The following CPEB4 variants were observed in gnomAD, a reference collection of about 807,000 sequenced individuals.
The protein encoded by CPEB4 is cytoplasmic polyadenylation element binding protein 4.
Under a neutral mutation model 72.5 loss-of-function variants are expected in CPEB4, and 12 were observed. The observed-to-expected ratio is 0.17, with a 90% confidence interval of 0.11 to 0.27. The LOEUF (loss-of-function observed/expected upper bound fraction) is 0.27, where lower values mean the gene tolerates loss of function less well. Among genes scored for constraint, CPEB4 ranks in the 10% least tolerant of loss-of-function variants. The pLI, the probability that CPEB4 is intolerant of heterozygous loss-of-function variation, is 1.00. For missense variants in CPEB4, 614 were observed against 908.5 expected (o/e 0.68, Z 4.17); for synonymous variants, 302 against 326.3 (o/e 0.93, Z 0.80).
chr5:173,893,192 A>G (rs1370986336), intron 1 of CPEB4: 4 of 152,170 alleles, frequency 2.6e-5, no homozygotes, highest in Admixed American at 6.5e-5. Flanking sequence ...AAGTAAGTAA[A>G]CTGACCACTG....
At chr5:173,939,901 C>G (rs1035164107) in intron 3 of CPEB4, among the ~76,000 whole-genome samples, 1 of 142,346 alleles carries the variant, frequency 7.0e-6, no homozygotes, top group African/African-American at 2.6e-5. Flanking sequence ...TGCCTGAGCT[C>G]GGGGGTTTGA....
intron 6 of CPEB4, 140 bp downstream of exon 6, chr5:173,949,737 C>A: frequency 1.4e-6 from 1 of 692,158 alleles, no homozygotes. Context: ...AAAATTTCAA[C>A]ATAATATTCT....
chr5:173,892,477 A>T (rs1237330520), intron 1 of CPEB4, among the ~76,000 whole-genome samples: 1 of 152,194 alleles, frequency 6.6e-6, no homozygotes, highest in Non-Finnish European at 1.5e-5. Flanking sequence ...TAATGCAAAG[A>T]TAAGTTTTAT....
intron 2 of CPEB4, among the ~76,000 whole-genome samples, chr5:173,928,927 CTT>C (rs1358056976): frequency 1.3e-5 from 2 of 152,208 alleles, no homozygotes; most frequent in South Asian, 2.1e-4. Flanking sequence ...CTTAATGTCA[CTT>C]ATGTTAAAAT....
chr5:173,903,962 A>T (rs1359553985), intron 1 of CPEB4, among the ~76,000 whole-genome samples: 6 of 152,232 alleles, frequency 3.9e-5, no homozygotes. Flanking sequence ...TGTGAAGTAG[A>T]GATGACAGAA....
In CPEB4 at chr5:173,950,345, C is replaced by T. The variant is rs1457981953; in HGVS notation, c.1665+267C>T. Among the ~76,000 whole-genome samples the T allele has an allele frequency of 6.6e-6, 1 of 152,150 alleles. No homozygotes were observed. Among genetic ancestry groups the T allele is most frequent in the Non-Finnish European group, 1.5e-5 (1 of 68,038 alleles). ...CACGGCTGGGCATGGTGGCTCACAC[C>T]TGTAATCCCAGCACTTTGGGAGGCC... is the stretch of plus-strand genomic sequence containing the variant. On this transcript the variant is annotated intron_variant, in intron 7 of 9. Coordinates refer to ENST00000265085, the MANE Select transcript of CPEB4 (RefSeq NM_030627.4). This position sits in a 1 kb window ranked among gnomAD's most constrained non-coding sequence, Gnocchi z 5.0.
chr5:173,946,537 G>C (rs927130304), intron 5 of CPEB4, among the ~76,000 whole-genome samples: 5 of 152,122 alleles, frequency 3.3e-5, no homozygotes, highest in Non-Finnish European at 5.9e-5. Context: ...TTGCAAGCAT[G>C]GAGAAAATGC....
At chr5:173,953,505 C>T in intron 9 of CPEB4, 1 of 414,676 alleles carries the variant, frequency 2.4e-6, no homozygotes. Flanking sequence ...ATTTAATCTT[C>T]TCTAACTTCC....
intron 2 of CPEB4, among the ~76,000 whole-genome samples, chr5:173,925,235 A>G (rs747766445): frequency 3.3e-5 from 5 of 152,212 alleles, no homozygotes; most frequent in Non-Finnish European, 7.3e-5. Context: ...AGATTTTTGT[A>G]AGTACTGGCT....
intron 1 of CPEB4, among the ~76,000 whole-genome samples, chr5:173,898,468 G>A (rs1212239403): frequency 6.6e-6 from 1 of 152,194 alleles, no homozygotes; most frequent in East Asian, 1.9e-4. Flanking sequence ...GCAAGCTACA[G>A]CACCTTCTGG....
chr5:173,938,661 G>A (rs750873504), intron 3 of CPEB4, among the ~76,000 whole-genome samples: 7 of 152,132 alleles, frequency 4.6e-5, no homozygotes, highest in Non-Finnish European at 8.8e-5. Context: ...GTAGATCAGC[G>A]TAACCCGAAT....
In CPEB4 at chr5:173,956,165, C is replaced by A; in HGVS notation, c.*28C>A. On this transcript the variant is annotated 3_prime_UTR_variant, in exon 10 of 10. Transcript: ENST00000265085. ...GATAACTGCAGTGCTCATTTTCAGG[C>A]CTCAGAATAAGTGCACTCTTCTGTT... 2 of 1,578,880 alleles carry A rather than the reference C, an allele frequency of 1.3e-6. No individual in the cohort carries two copies. Among genetic ancestry groups the A allele is most frequent in the Non-Finnish European group, 1.7e-6 (2 of 1,148,744 alleles).
chr5:173,928,587 G>C (rs1581144052), intron 2 of CPEB4, among the ~76,000 whole-genome samples: 3 of 152,310 alleles, frequency 2.0e-5, no homozygotes, highest in Admixed American at 2.0e-4. Context: ...GGAACATGGA[G>C]TGAGGGCCAC....
chr5:173,925,030 C>A (rs1174884357), intron 2 of CPEB4, among the ~76,000 whole-genome samples: 2 of 152,084 alleles, frequency 1.3e-5, no homozygotes, highest in Non-Finnish European at 1.5e-5. Flanking sequence ...TGAGGCCTAG[C>A]AGGGGAACTG....
chr5:173,909,989 CTG>C (rs1197866152), intron 1 of CPEB4, among the ~76,000 whole-genome samples: 1 of 148,364 alleles, frequency 6.7e-6, no homozygotes, highest in Non-Finnish European at 1.5e-5. Context: ...CAGTGTGAGA[CTG>C]TGTCTCAAAA....
chr5:173,915,351 A>AT (rs1756829400), intron 2 of CPEB4, among the ~76,000 whole-genome samples: 1 of 151,834 alleles, frequency 6.6e-6, no homozygotes, highest in African/African-American at 2.4e-5. Flanking sequence ...GGCTACTATG[A>AT]TTTTTTCTAT....
At chr5:173,949,259 C>T (rs1758136371) in intron 5 of CPEB4, among the ~76,000 whole-genome samples, 1 of 152,028 alleles carries the variant, frequency 6.6e-6, no homozygotes, top group African/African-American at 2.4e-5. Context: ...AAGATGCTGG[C>T]TGGCTGGCTT....
At chr5:173,942,236 C>G (rs1232420747) in intron 3 of CPEB4, among the ~76,000 whole-genome samples, 1 of 152,224 alleles carries the variant, frequency 6.6e-6, no homozygotes, top group Non-Finnish European at 1.5e-5. Context: ...TATTTATCCA[C>G]AAGATCAGGC....
chr5:173,892,201 T>G (rs996602477), intron 1 of CPEB4, among the ~76,000 whole-genome samples: 5 of 151,846 alleles, frequency 3.3e-5, no homozygotes, highest in African/African-American at 1.2e-4. Context: ...CCTATGTCAT[T>G]CCTTTCCTAA....
Sources: gnomAD v4.1 joint callset for allele counts (sites outside exome capture counted in the v4.1 genomes callset) on GRCh38, gnomAD v4.1.1 for gene constraint, Gnocchi (gnomAD v3.1) non-coding constraint, MANE v1.5 for transcripts, NCBI Gene and HGNC (gene_info 2026-07-23, HGNC 2026-07-21) for gene names.